The following MYOCD variants were observed in gnomAD, a reference collection of about 807,000 sequenced individuals.
MYOCD encodes the protein myocardin.
MYOCD carries 32 observed loss-of-function variants against 96.1 expected under a neutral mutation model. That is an observed-to-expected ratio of 0.33 (90% confidence interval 0.25 to 0.45). MYOCD has a LOEUF of 0.45. MYOCD is among the 20% of genes least tolerant of loss of function. The probability of loss-of-function intolerance (pLI) is 1.00; values close to 1 mark genes in which losing one functional copy is unlikely to be tolerated. For synonymous variants in MYOCD, 469 were observed against 469.0 expected (o/e 1.00, Z 0.00); for missense variants, 1,133 against 1,200.6 (o/e 0.94, Z 0.83).
At position 12,715,585 on chromosome 17, in the gene MYOCD, C is replaced by T; in HGVS notation, c.177+11C>T. Reference sequence around the variant, plus strand: ...TTGGATAGTGACAAGGTAATTTTTGCAAATTTCTTGACCCAAGCTTAGACT... The same window carrying T: ...TTGGATAGTGACAAGGTAATTTTTGTAAATTTCTTGACCCAAGCTTAGACT... On this transcript the variant is annotated intron_variant, in intron 3 of 13. Transcript: ENST00000425538. 6.2e-7 allele frequency: 1 copy of T among 1,611,132 alleles called. No homozygotes were observed. The highest frequency in any genetic ancestry group is 8.5e-7 in the Non-Finnish European group (1 of 1,177,704).
intron 9 of MYOCD, among the ~76,000 whole-genome samples, chr17:12,750,411 G>T (rs2032813747): frequency 6.6e-6 from 1 of 152,098 alleles, no homozygotes; most frequent in Non-Finnish European, 1.5e-5. Context: ...ATTTTGGGCC[G>T]GGCGCTATGG....
In MYOCD at chr17:12,763,280, GAAA is replaced by G; in HGVS notation, c.2598_2600del (p.Lys867del). 1 of 1,613,378 alleles carries G rather than the reference GAAA, an allele frequency of 6.2e-7. No homozygotes were observed. Among genetic ancestry groups the G allele is most frequent in the Non-Finnish European group, 8.5e-7 (1 of 1,179,736 alleles). On this transcript the variant is annotated inframe_deletion, in exon 14 of 14. Transcript: ENST00000425538. ...TTATTAAATTCCCAGAGCCCCCTAGGAAAGATGAGTGATGTCACCCTTCTAAAA... is the reference window on the plus strand; with the variant it reads ...TTATTAAATTCCCAGAGCCCCCTAGGGATGAGTGATGTCACCCTTCTAAAA...
At chr17:12,696,870 G>A (rs1001663929) in intron 1 of MYOCD, among the ~76,000 whole-genome samples, 3 of 152,206 alleles carry the variant, frequency 2.0e-5, no homozygotes, top group African/African-American at 7.2e-5. Context: ...ACATGTCACT[G>A]ATACTTGTGT....
chr17:12,720,992 A>G (rs2031816719), intron 4 of MYOCD, among the ~76,000 whole-genome samples: 1 of 149,724 alleles, frequency 6.7e-6, no homozygotes, highest in Non-Finnish European at 1.5e-5. Context: ...ACTGCACTCC[A>G]GCCTGGGCAA....
In MYOCD at chr17:12,763,434, A is replaced by G; in HGVS notation, c.2751A>G (p.Ser917=). 6.2e-7 allele frequency: 1 copy of G among 1,613,264 alleles called. No homozygotes were observed. Among genetic ancestry groups the G allele is most frequent in the East Asian group, 2.2e-5 (1 of 44,862 alleles). Residue 917 remains serine, a synonymous_variant, in exon 14 of 14, where the codon TCA becomes TCG. Coordinates refer to ENST00000425538, the MANE Select transcript of MYOCD (RefSeq NM_001146312.3). ...TCTCTCCAATGCAGACACAGTTTTC[A>G]CCCTCTTCTGTGGACAGCAATGGGC... ...GPLSPMQTQF[S]PSSVDSNGLQ...
intron 1 of MYOCD, among the ~76,000 whole-genome samples, chr17:12,677,952 G>C (rs2150635710): frequency 6.7e-6 from 1 of 148,748 alleles, no homozygotes; most frequent in South Asian, 2.2e-4. Flanking sequence ...GAGTGCAGTG[G>C]CAACATCTTG....
chr17:12,666,105 G>T lies in MYOCD; in HGVS notation c.-84G>T, dbSNP rs547402384. On this transcript the variant is annotated 5_prime_UTR_variant, in exon 1 of 14. Transcript: ENST00000425538. ...GGATGAATTCTGGGTTGTTAGCTGC[G>T]GTCAGCTGGGCTCCCGGGAGCCTGT... The T allele has an allele frequency of 5.1e-6, 5 of 989,252 alleles. No individual in the cohort carries two copies. Among genetic ancestry groups the T allele is most frequent in the African/African-American group, 3.2e-5 (2 of 62,906 alleles). The allele number at this position is 989,252 out of a possible 1,614,324, so 61.3% of individuals were successfully genotyped here.
intron 1 of MYOCD, among the ~76,000 whole-genome samples, chr17:12,687,108 A>T (rs1176418779): frequency 1.3e-5 from 2 of 152,126 alleles, no homozygotes; most frequent in East Asian, 3.8e-4. Context: ...ATTTTAAAAC[A>T]TAGAGTTTTA....
rs749180537 is a variant in MYOCD at position 12,753,121 on chromosome 17, T to C, written c.1833T>C (p.Asn611=). 6.2e-7 allele frequency: 1 copy of C among 1,614,160 alleles called. No homozygotes were observed. The highest frequency in any genetic ancestry group is 8.5e-7 in the Non-Finnish European group (1 of 1,180,022). ...CTGCTCAACTCCAGCCTCTTGGAAA[T>C]GCTCATTGTGTGGAGTCCTCAGATC... The part of the protein sequence containing the change: ...CEAAQLQPLG[N]AHCVESSDQT... The change falls in exon 10 of 14, where the codon AAT becomes AAC. Residue 611 remains asparagine, a synonymous_variant. Coordinates refer to ENST00000425538, the MANE Select transcript of MYOCD (RefSeq NM_001146312.3).
rs1481102952 is a variant in MYOCD, at chr17:12,752,574, C to G, written c.1286C>G (p.Thr429Arg). ...GTCACTTTTCCTGTCACACCCAACACGCTGCCCAATTACCAGTCTTCCTCT... is the reference window on the plus strand; with the variant it reads ...GTCACTTTTCCTGTCACACCCAACAGGCTGCCCAATTACCAGTCTTCCTCT... The part of the protein sequence containing the change: ...TTVTFPVTPN[T>R]LPNYQSSSST... The change falls in exon 10 of 14, where the codon ACG becomes AGG. Residue 429 changes from threonine to arginine, a missense_variant. By Grantham distance (71) the Thr-to-Arg change is moderately conservative. Transcript: ENST00000425538. 1 of 1,614,030 alleles carries G rather than the reference C, an allele frequency of 6.2e-7. No individual in the cohort carries two copies. Among genetic ancestry groups the G allele is most frequent in the African/African-American group, 1.3e-5 (1 of 74,928 alleles).
At chr17:12,745,066 A>T (rs976984032) in intron 8 of MYOCD, among the ~76,000 whole-genome samples, 1 of 152,216 alleles carries the variant, frequency 6.6e-6, no homozygotes, top group Non-Finnish European at 1.5e-5. Context: ...TATTGGAATT[A>T]TGAGCAATTC....
intron 5 of MYOCD, among the ~76,000 whole-genome samples, chr17:12,731,229 A>G (rs1216665460): frequency 1.3e-5 from 2 of 152,222 alleles, no homozygotes; most frequent in Non-Finnish European, 2.9e-5. Flanking sequence ...TGGTCATTCC[A>G]GAGGCAGTCA....
intron 1 of MYOCD, among the ~76,000 whole-genome samples, chr17:12,700,033 C>T (rs934511300): frequency 4.6e-5 from 7 of 151,422 alleles, no homozygotes; most frequent in Admixed American, 6.6e-5. Context: ...CTCAGCCTCC[C>T]GAGTAGCTGG....
At chr17:12,760,509 T>G in intron 12 of MYOCD, 141 bp from the exon 13 acceptor site, 6 of 664,628 alleles carry the variant, frequency 9.0e-6, no homozygotes, top group Non-Finnish European at 1.7e-5. Flanking sequence ...AAATTTAAAG[T>G]TATGTGTATT....
intron 1 of MYOCD, among the ~76,000 whole-genome samples, chr17:12,683,459 G>A (rs1003632766): frequency 3.3e-5 from 5 of 151,892 alleles, no homozygotes; most frequent in African/African-American, 7.3e-5. Context: ...TCTCTCGTGC[G>A]CGCGCGCTCT....
At chr17:12,731,389 T>C (rs1377375371) in intron 5 of MYOCD, among the ~76,000 whole-genome samples, 1 of 152,122 alleles carries the variant, frequency 6.6e-6, no homozygotes, top group African/African-American at 2.4e-5. Flanking sequence ...GACCAACCAG[T>C]TTTTCTGGTT....
intron 1 of MYOCD, among the ~76,000 whole-genome samples, chr17:12,698,045 A>C (rs138935436): frequency 4.5e-4 from 68 of 152,300 alleles, no homozygotes; most frequent in African/African-American, 1.6e-3. Context: ...TGAACTGGAA[A>C]AGAGAGTTTG....
At chr17:12,697,353 A>ATTT (rs1567576166) in intron 1 of MYOCD, among the ~76,000 whole-genome samples, 6 of 86,834 alleles carry the variant, frequency 6.9e-5, no homozygotes, top group African/African-American at 3.3e-4. Flanking sequence ...ATATATATAT[A>ATTT]TATATATTTT....
At chr17:12,666,498 A>G (rs1036627190) in intron 1 of MYOCD, among the ~76,000 whole-genome samples, 3 of 152,136 alleles carry the variant, frequency 2.0e-5, no homozygotes, top group Non-Finnish European at 4.4e-5. Flanking sequence ...TTTTCTCTGC[A>G]TCTATGAATA....
Sources: gnomAD v4.1 joint callset for allele counts (sites outside exome capture counted in the v4.1 genomes callset) on GRCh38, gnomAD v4.1.1 for gene constraint, MANE v1.5 for transcripts, NCBI Gene and HGNC (gene_info 2026-07-23, HGNC 2026-07-21) for gene names.